NDST3: variants seen among roughly 807,000 people sequenced by gnomAD.
The protein encoded by NDST3 is bifunctional heparan sulfate N-deacetylase/N-sulfotransferase 3.
Under a neutral mutation model 96.1 loss-of-function variants are expected in NDST3, and 58 were observed. That is an observed-to-expected ratio of 0.60 (90% confidence interval 0.49 to 0.75). The LOEUF is 0.75. Ranked by LOEUF, NDST3 falls within the 30% of genes least tolerant of loss-of-function variation. NDST3 has a pLI of 0.00. For synonymous variants in NDST3, 333 were observed against 359.7 expected (o/e 0.93, Z 0.84); for missense variants, 788 against 1,034.2 (o/e 0.76, Z 3.27).
At chr4:118,044,315 A>G (rs185570850) in intron 1 of NDST3, among the ~76,000 whole-genome samples, 22 of 152,364 alleles carry the variant, frequency 1.4e-4, no homozygotes, top group Admixed American at 1.3e-3. Context: ...ACTTATCAAA[A>G]TGAAATAACT....
At position 118,256,050 on chromosome 4, in the gene NDST3, C is replaced by T. The variant is rs1487914543; in HGVS notation, c.*338C>T. 1 of 158,198 alleles carries T rather than the reference C, an allele frequency of 6.3e-6. No individual in the cohort carries two copies. The highest frequency in any genetic ancestry group is 1.4e-5 in the Non-Finnish European group (1 of 72,262). The allele number at this position is 158,198 out of a possible 1,614,324, so 9.8% of individuals were successfully genotyped here. On this transcript the variant is annotated 3_prime_UTR_variant, in exon 14 of 14. Coordinates refer to ENST00000296499, the MANE Select transcript of NDST3 (RefSeq NM_004784.3). ...TAATATTTACACTTTTATATATCAA[C>T]TAAGATTGTGTCTCTGTAGGTTTTT...
chr4:118,220,629 T>C (rs1051506338), intron 6 of NDST3, among the ~76,000 whole-genome samples: 1 of 151,760 alleles, frequency 6.6e-6, no homozygotes, highest in African/African-American at 2.4e-5. Context: ...AAAAATAAAA[T>C]AAACAGGATT....
chr4:118,207,322 A>C (rs1190390573), intron 6 of NDST3, among the ~76,000 whole-genome samples: 1 of 144,678 alleles, frequency 6.9e-6, no homozygotes, highest in Non-Finnish European at 1.5e-5. Flanking sequence ...ATTTATAAAG[A>C]AAGAATATGG....
intron 10 of NDST3, among the ~76,000 whole-genome samples, chr4:118,238,205 AAG>A (rs1386853714): frequency 1.4e-5 from 2 of 144,500 alleles, no homozygotes; most frequent in African/African-American, 2.7e-5. Flanking sequence ...GAAAGAAAGA[AAG>A]AAAGAAAGAA....
intron 3 of NDST3, among the ~76,000 whole-genome samples, chr4:118,112,718 T>C (rs1730740534): frequency 6.6e-6 from 1 of 152,144 alleles, no homozygotes; most frequent in Non-Finnish European, 1.5e-5. Context: ...ACCTTATTTA[T>C]CACCTCGAAT....
chr4:118,128,395 AG>A (rs1290426833), intron 4 of NDST3, among the ~76,000 whole-genome samples: 1 of 152,018 alleles, frequency 6.6e-6, no homozygotes, highest in Non-Finnish European at 1.5e-5. Flanking sequence ...TTTATCATGA[AG>A]GGATGTTCAA....
rs377553401 is a variant in NDST3, at chr4:118,054,352, A to C, written c.442A>C (p.Ser148Arg). The C allele has an allele frequency of 1.2e-6, 2 of 1,612,616 alleles. No individual in the cohort carries two copies. The highest frequency in any genetic ancestry group is 1.1e-5 in the South Asian group (1 of 91,002). ...TATAAATATGGATTCCTGGAATCGA[A>C]GCCTTCTAGATAAATACTGTGTAGA... ...KYINMDSWNRSLLDKYCVEYG... is the reference protein window; with the variant it reads ...KYINMDSWNRRLLDKYCVEYG... The change falls in exon 2 of 14, where the codon AGC (serine) becomes CGC (arginine). Residue 148 changes from serine (S) to arginine (R), a missense_variant. Ser to Arg is a moderately radical substitution (Grantham distance 110). Coordinates refer to ENST00000296499, the MANE Select transcript of NDST3 (RefSeq NM_004784.3).
chr4:118,218,001 G>C (rs1739297144), intron 6 of NDST3, among the ~76,000 whole-genome samples: 1 of 152,004 alleles, frequency 6.6e-6, no homozygotes, highest in Non-Finnish European at 1.5e-5. Flanking sequence ...CCAGGAAGAA[G>C]ACGAATCCCT....
intron 9 of NDST3, among the ~76,000 whole-genome samples, chr4:118,235,640 A>C (rs1454581024): frequency 6.6e-6 from 1 of 152,212 alleles, no homozygotes; most frequent in African/African-American, 2.4e-5. Flanking sequence ...GCTTGGACCA[A>C]ATAAGATACC....
chr4:118,127,346 AAT>A (rs1732195214), intron 4 of NDST3, among the ~76,000 whole-genome samples: 1 of 151,964 alleles, frequency 6.6e-6, no homozygotes, highest in Non-Finnish European at 1.5e-5. Flanking sequence ...TTAAGTCTTT[AAT>A]ATATTGGTTT....
intron 3 of NDST3, among the ~76,000 whole-genome samples, chr4:118,105,638 T>C (rs891322796): frequency 1.3e-5 from 2 of 152,228 alleles, no homozygotes; most frequent in Non-Finnish European, 2.9e-5. Flanking sequence ...TTATAATTCT[T>C]TCCTTTTCCT....
intron 4 of NDST3, among the ~76,000 whole-genome samples, chr4:118,135,446 G>T (rs1732996207): frequency 6.6e-6 from 1 of 152,094 alleles, no homozygotes; most frequent in Non-Finnish European, 1.5e-5. Context: ...AAACAATAGA[G>T]GCAGGGTAGT....
chr4:118,210,256 C>G (rs1201809226), intron 6 of NDST3, among the ~76,000 whole-genome samples: 1 of 152,058 alleles, frequency 6.6e-6, no homozygotes, highest in African/African-American at 2.4e-5. Context: ...CATCAGAGAG[C>G]TTAAGAGGTG....
At chr4:118,141,593 A>C (rs976385300) in intron 5 of NDST3, among the ~76,000 whole-genome samples, 2 of 152,226 alleles carry the variant, frequency 1.3e-5, no homozygotes, top group African/African-American at 4.8e-5. Context: ...TTTTGCACAG[A>C]ATCAGCTAGG....
In NDST3 at chr4:118,226,897, T is replaced by C. The variant is rs928793127; in HGVS notation, c.1734T>C (p.Asp578=). 5.0e-6 allele frequency: 8 copies of C among 1,611,486 alleles called. No homozygotes were observed. The highest frequency in any genetic ancestry group is 5.9e-6 in the Non-Finnish European group (7 of 1,179,084). The change falls in exon 8 of 14, where the codon GAT becomes GAC. Residue 578 remains aspartate, a synonymous_variant. Coordinates refer to ENST00000296499, the MANE Select transcript of NDST3 (RefSeq NM_004784.3). ...CTTCTCCCATTTAGAATCCTTGCGA[T>C]GACAAACGCCACAGAGACATTTGGT... ...QKDPLWQNPC[D]DKRHRDIWSK... is the part of the protein sequence containing the mutation.
chr4:118,224,714 G>A, intron 7 of NDST3, 41 bp downstream of exon 7: 4 of 1,468,028 alleles, frequency 2.7e-6, no homozygotes, highest in South Asian at 1.5e-5. Context: ...GTTAATTCCA[G>A]GAACATAATT....
chr4:118,206,141 C>T (rs1363627518), intron 6 of NDST3, among the ~76,000 whole-genome samples: 1 of 144,046 alleles, frequency 6.9e-6, no homozygotes, highest in Non-Finnish European at 1.5e-5. Flanking sequence ...CCCTCTACAA[C>T]ACCCACAACA....
chr4:118,102,306 G>A (rs1702953356), intron 2 of NDST3, among the ~76,000 whole-genome samples: 1 of 151,990 alleles, frequency 6.6e-6, no homozygotes, highest in South Asian at 2.1e-4. Context: ...TAGGGTTCCT[G>A]GATTGGCATT....
At chr4:118,098,048 G>GTTT (rs36035970) in intron 2 of NDST3, among the ~76,000 whole-genome samples, 2 of 151,356 alleles carry the variant, frequency 1.3e-5, no homozygotes, top group East Asian at 3.9e-4. Context: ...AATTACTGTG[G>GTTT]TTTTTTTTAA....
Sources: gnomAD v4.1 joint callset for allele counts (sites outside exome capture counted in the v4.1 genomes callset) on GRCh38, gnomAD v4.1.1 for gene constraint, MANE v1.5 for transcripts, NCBI Gene and HGNC (gene_info 2026-07-23, HGNC 2026-07-21) for gene names.